PHF10: variants seen among roughly 807,000 people sequenced by gnomAD.
The protein encoded by PHF10 is BRG1-associated factor 45a.
A neutral mutation model predicts 68.5 loss-of-function variants in PHF10; 51 were observed. The observed-to-expected ratio is 0.74, with a 90% CI of 0.59 to 0.94. The LOEUF is 0.94. Among genes scored for constraint, PHF10 ranks in the 40% least tolerant of loss-of-function variants. The pLI is 0.00. For synonymous variants in PHF10, 204 were observed against 203.5 expected (o/e 1.00, Z -0.02); for missense variants, 460 against 602.6 (o/e 0.76, Z 2.48).
rs190302523 is a variant in PHF10, at chr6:169,716,926, A to G, written c.410-838T>C. Among the ~76,000 whole-genome samples the G allele has an allele frequency of 6.6e-5, 10 of 152,330 alleles. No homozygotes were observed. In the East Asian group the frequency reaches 1.9e-3, roughly 29 times the overall value. The stretch of plus-strand genomic sequence containing the variant: ...AAAATATATTGTACAAGCTTTGTAC[A>G]AAAAATACAAACACTCTGAAAACTC... On this transcript the variant is annotated intron_variant, in intron 4 of 11. Coordinates refer to ENST00000339209, the MANE Select transcript of PHF10 (RefSeq NM_018288.4).
At chr6:169,707,202 A>C (rs1206838222) in intron 9 of PHF10, 1 of 152,188 alleles carries the variant, frequency 6.6e-6, no homozygotes, top group Non-Finnish European at 1.5e-5. Flanking sequence ...GTATATTTTT[A>C]TACCCTGCTC....
Position 169,704,058 on chromosome 6 carries a change from G to C in PHF10, c.1442C>G (p.Ala481Gly). The C allele has an allele frequency of 6.3e-7, 1 of 1,582,492 alleles. No homozygotes were observed. The highest frequency in any genetic ancestry group is 8.5e-7 in the Non-Finnish European group (1 of 1,171,316). The change falls in exon 12 of 12, where the codon GCC becomes GGC. Residue 481 changes from alanine (A) to glycine (G), a missense_variant. Coordinates refer to ENST00000339209, the MANE Select transcript of PHF10 (RefSeq NM_018288.4). ...GCCCACTTTCCTGGGTGTTGGGGGG[G>C]CCCGCTGACAACAGTCACAAATCCA... ...GRWICDCCQR[A>G]PPTPRKVGRR...
intron 4 of PHF10, among the ~76,000 whole-genome samples, chr6:169,717,186 T>C (rs1177777237): frequency 1.3e-5 from 2 of 151,974 alleles, no homozygotes; most frequent in Non-Finnish European, 1.5e-5. Context: ...GAGATGGAGG[T>C]TGCAGTGAGC....
At chr6:169,720,640 C>T (rs932630026) in intron 2 of PHF10, among the ~76,000 whole-genome samples, 5 of 151,890 alleles carry the variant, frequency 3.3e-5, no homozygotes, top group African/African-American at 1.2e-4. Context: ...GGTTGCAAGG[C>T]GCTAAATAGA....
chr6:169,718,343 G>A (rs566528189), intron 3 of PHF10, among the ~76,000 whole-genome samples: 7 of 152,218 alleles, frequency 4.6e-5, no homozygotes, highest in Non-Finnish European at 1.0e-4. Flanking sequence ...TATCAATAAT[G>A]AAGAGTGATG....
chr6:169,714,133 A>T (rs971290330), intron 7 of PHF10, among the ~76,000 whole-genome samples: 29 of 151,812 alleles, frequency 1.9e-4, no homozygotes, highest in Admixed American at 7.9e-4. Flanking sequence ...AAAAAAAAAG[A>T]ATCTGTTAGC....
At chr6:169,712,726 C>T (rs1440405204) in intron 7 of PHF10, among the ~76,000 whole-genome samples, 187 bp from the exon 8 acceptor site, 3 of 152,176 alleles carry the variant, frequency 2.0e-5, no homozygotes, top group African/African-American at 4.8e-5. Flanking sequence ...TTTCACTAGA[C>T]TTATGTAAAA....
At chr6:169,705,109 G>C (rs369970938) in intron 11 of PHF10, 24 bp downstream of exon 11, 1 of 1,559,250 alleles carries the variant, frequency 6.4e-7, no homozygotes, top group Admixed American at 1.8e-5. Context: ...CAAAGATAAT[G>C]TTTGCTCTTT....
chr6:169,723,827 C>T lies in PHF10; in HGVS notation c.87+18G>A. 3.1e-6 allele frequency: 3 copies of T among 962,326 alleles called. No homozygotes were observed. The highest frequency in any genetic ancestry group is 2.6e-6 in the Non-Finnish European group (2 of 770,514). The allele number at this position is 962,326 out of a possible 1,614,324, so 59.6% of individuals were successfully genotyped here. On this transcript the variant is annotated intron_variant, in intron 1 of 11. Coordinates refer to ENST00000339209, the MANE Select transcript of PHF10 (RefSeq NM_018288.4). Reference sequence around the variant, plus strand: ...CCGGGACGGGGTCAGGGTCGGGTCGCACCGGCCGCTTCCTCACCTTCGGGG... The same window carrying T: ...CCGGGACGGGGTCAGGGTCGGGTCGTACCGGCCGCTTCCTCACCTTCGGGG...
Position 169,721,479 on chromosome 6 carries a change from T to C in PHF10, c.88-368A>G, listed in dbSNP as rs560343211. 1.6e-3 allele frequency among the ~76,000 whole-genome samples: 245 copies of C among 152,344 alleles called. 1 individual carries two copies. The highest frequency in any genetic ancestry group is 5.6e-3 in the African/African-American group (234 of 41,572). ...CTCAATTCAACTTGAAGCCGGTTCA[T>C]AGGACTATTTTAATTGACTACTTTA... On this transcript the variant is annotated intron_variant, in intron 1 of 11. Transcript: ENST00000339209.
At position 169,704,015 on chromosome 6, in the gene PHF10, G is replaced by C; in HGVS notation, c.1485C>G (p.Ser495Arg). 1 of 1,600,614 alleles carries C rather than the reference G, an allele frequency of 6.2e-7. No homozygotes were observed. The highest frequency in any genetic ancestry group is 1.8e-5 in the Admixed American group (1 of 56,774). ...GTCAAAAACTATTTTATCCCTCTTTGCTGTTTTTCCCCCTTCTGCCCACTT... is the reference window on the plus strand; with the variant it reads ...GTCAAAAACTATTTTATCCCTCTTTCCTGTTTTTCCCCCTTCTGCCCACTT... ...PRKVGRRGKN[S>R]KEG Residue 495 changes from serine to arginine, a missense_variant, in exon 12 of 12, where the codon AGC becomes AGG. Transcript: ENST00000339209.
chr6:169,709,229 G>T (rs1788874456), intron 9 of PHF10: 1 of 152,106 alleles, frequency 6.6e-6, no homozygotes, highest in African/African-American at 2.4e-5. Context: ...ACTTACTTCA[G>T]CCTGTTCTTG....
intron 9 of PHF10, 171 bp downstream of exon 9, chr6:169,710,065 G>A (rs1788891540): frequency 2.1e-6 from 1 of 487,140 alleles, no homozygotes; most frequent in Non-Finnish European, 3.7e-6. Context: ...TGACAGAAAA[G>A]CCACCAAGGA....
At chr6:169,706,861 T>G (rs1788812374) in intron 9 of PHF10, among the ~76,000 whole-genome samples, 1 of 152,072 alleles carries the variant, frequency 6.6e-6, no homozygotes, top group South Asian at 2.1e-4. Flanking sequence ...TGCATCCCTT[T>G]CCTAATTTAC....
chr6:169,705,446 T>C, intron 10 of PHF10, 125 bp from the exon 11 acceptor site: 1 of 739,310 alleles, frequency 1.4e-6, no homozygotes, highest in Non-Finnish European at 2.3e-6. Context: ...CAAAGAGAAA[T>C]GAATATACAA....
chr6:169,716,065 C>A lies in PHF10; in HGVS notation c.433G>T (p.Glu145Ter). 6.2e-7 allele frequency: 1 copy of A among 1,604,710 alleles called. No homozygotes were observed. The highest frequency in any genetic ancestry group is 2.2e-5 in the East Asian group (1 of 44,778). The change falls in exon 5 of 12, where the codon GAA becomes TAA. Residue 145 changes from glutamate (E) to a stop codon, truncating the protein, a stop_gained. Transcript: ENST00000339209. LOFTEE classifies it high-confidence loss of function. ...TCTTTTATCATTAAATCAATCACTT[C>A]ATCACTGCGCAATGCTGTTAAGCCT... is the stretch of plus-strand genomic sequence containing the variant. ...TLGLTALRSD[E>*]VIDLMIKEYP...
intron 1 of PHF10, among the ~76,000 whole-genome samples, chr6:169,723,428 C>G (rs1365356652): frequency 3.9e-5 from 6 of 152,218 alleles, no homozygotes; most frequent in Admixed American, 3.9e-4. Context: ...TATCGTTCGC[C>G]ACTCGGTTTT....
At chr6:169,714,901 G>A in intron 6 of PHF10, 59 bp from the exon 7 acceptor site, 1 of 918,462 alleles carries the variant, frequency 1.1e-6, no homozygotes. Flanking sequence ...AAGGCTTTAG[G>A]AAGAGTCCCC....
chr6:169,717,185 G>A (rs1361613066), intron 4 of PHF10, among the ~76,000 whole-genome samples: 1 of 152,140 alleles, frequency 6.6e-6, no homozygotes, highest in African/African-American at 2.4e-5. Flanking sequence ...GGAGATGGAG[G>A]TTGCAGTGAG....
Sources: gnomAD v4.1 joint callset for allele counts (sites outside exome capture counted in the v4.1 genomes callset) on GRCh38, gnomAD v4.1.1 for gene constraint, MANE v1.5 for transcripts, NCBI Gene and HGNC (gene_info 2026-07-23, HGNC 2026-07-21) for gene names.